The following DOK6 variants were observed in gnomAD, a reference collection of about 807,000 sequenced individuals.
DOK6 encodes docking protein 6.
A neutral mutation model predicts 44.0 loss-of-function variants in DOK6; 22 were observed. The observed-to-expected ratio is 0.50, with a 90% CI of 0.36 to 0.71. DOK6 has a LOEUF of 0.71. DOK6 is among the 30% of genes least tolerant of loss of function. The pLI is 0.00. For missense variants in DOK6, 340 were observed against 416.4 expected, an observed-to-expected ratio of 0.82 and a Z score of 1.60; for synonymous variants, 166 against 145.5, an observed-to-expected ratio of 1.14 and a Z score of -1.01.
At chr18:69,780,764 G>C (rs1175247079) in intron 7 of DOK6, among the ~76,000 whole-genome samples, 1 of 152,116 alleles carries the variant, frequency 6.6e-6, no homozygotes, top group Non-Finnish European at 1.5e-5. Context: ...TGAAACCTTG[G>C]TATTGGCAAG....
chr18:69,763,867 C>T (rs1165843936), intron 7 of DOK6, among the ~76,000 whole-genome samples: 1 of 152,140 alleles, frequency 6.6e-6, no homozygotes, highest in East Asian at 1.9e-4. Flanking sequence ...TCAGTAAAGC[C>T]TATTGAATTC....
intron 2 of DOK6, among the ~76,000 whole-genome samples, chr18:69,581,458 T>TC (rs1983367479): frequency 6.6e-6 from 1 of 152,218 alleles, no homozygotes; most frequent in African/African-American, 2.4e-5. Context: ...TGCATTGTGA[T>TC]CTAACTCTAG....
intron 1 of DOK6, among the ~76,000 whole-genome samples, chr18:69,497,388 A>AC (rs1046325915): frequency 5.3e-5 from 8 of 151,806 alleles, no homozygotes; most frequent in African/African-American, 1.7e-4. Flanking sequence ...CTCTGGAAAC[A>AC]CCCCCCTCTC....
intron 7 of DOK6, among the ~76,000 whole-genome samples, chr18:69,837,463 T>C (rs1360914643): frequency 6.6e-6 from 1 of 151,842 alleles, no homozygotes; most frequent in Non-Finnish European, 1.5e-5. Context: ...CCAACACTGT[T>C]GCATTGAAAA....
At chr18:69,816,292 C>A (rs1388314705) in intron 7 of DOK6, among the ~76,000 whole-genome samples, 1 of 152,160 alleles carries the variant, frequency 6.6e-6, no homozygotes, top group Non-Finnish European at 1.5e-5. Flanking sequence ...ACGACAGCAG[C>A]TGCTCCTATA....
intron 1 of DOK6, among the ~76,000 whole-genome samples, chr18:69,437,562 G>A (rs973424258): frequency 6.6e-6 from 1 of 152,172 alleles, no homozygotes; most frequent in Non-Finnish European, 1.5e-5. Context: ...AGGCTGTTTT[G>A]GTTACTGTAG....
At chr18:69,536,976 TATC>T (rs1022484710) in intron 1 of DOK6, among the ~76,000 whole-genome samples, 19 of 106,782 alleles carry the variant, frequency 1.8e-4, no homozygotes, top group South Asian at 9.3e-4. Flanking sequence ...ACAGAAGATT[TATC>T]ATTATTATTA....
In DOK6 at chr18:69,777,077, G is replaced by C. The variant is rs149934277; in HGVS notation, c.856+19204G>C. Among the ~76,000 whole-genome samples the C allele has an allele frequency of 9.9e-3, 1,495 of 151,004 alleles. 16 individuals are homozygous for C. The highest frequency in any genetic ancestry group is 0.034 in the African/African-American group (1,405 of 40,980). On this transcript the variant is annotated intron_variant, in intron 7 of 7. Coordinates refer to ENST00000382713, the MANE Select transcript of DOK6 (RefSeq NM_152721.6). ...TTAATGGGTGCAGCACACCAGCATG[G>C]CACATGTATACGTATATAACTAACC... is the stretch of plus-strand genomic sequence containing the variant.
At chr18:69,558,704 C>G (rs907535436) in intron 1 of DOK6, among the ~76,000 whole-genome samples, 1 of 151,936 alleles carries the variant, frequency 6.6e-6, no homozygotes. Flanking sequence ...GTTTAGGTCA[C>G]GAAAAACAAA....
At chr18:69,502,758 T>C (rs2165717) in intron 1 of DOK6, among the ~76,000 whole-genome samples, 68,464 of 151,832 alleles carry the variant, frequency 0.45, 15,835 homozygotes, top group African/African-American at 0.49. Context: ...TGTATATCAG[T>C]CAAACAGCAC....
intron 3 of DOK6, among the ~76,000 whole-genome samples, chr18:69,632,351 C>T (rs946021635): frequency 6.6e-6 from 1 of 152,046 alleles, no homozygotes; most frequent in Non-Finnish European, 1.5e-5. Flanking sequence ...TGTAGCTCTC[C>T]CATTTTGTTC....
chr18:69,618,384 C>T (rs907423009), intron 3 of DOK6, among the ~76,000 whole-genome samples: 2 of 152,076 alleles, frequency 1.3e-5, no homozygotes, highest in East Asian at 1.9e-4. Context: ...TGATGAAATT[C>T]CTCTGTGTTT....
intron 3 of DOK6, among the ~76,000 whole-genome samples, chr18:69,630,448 T>G (rs1269796212): frequency 6.6e-6 from 1 of 152,204 alleles, no homozygotes; most frequent in Non-Finnish European, 1.5e-5. Flanking sequence ...ACTTTAAAAT[T>G]TTTTGCATGA....
intron 7 of DOK6, among the ~76,000 whole-genome samples, chr18:69,766,962 C>G (rs1979735840): frequency 1.3e-5 from 2 of 152,162 alleles, no homozygotes; most frequent in Admixed American, 1.3e-4. Context: ...TGTGGTGGCT[C>G]ACTCCTGTAA....
chr18:69,478,241 T>C (rs1980322018), intron 1 of DOK6, among the ~76,000 whole-genome samples: 1 of 152,176 alleles, frequency 6.6e-6, no homozygotes, highest in African/African-American at 2.4e-5. Flanking sequence ...AGTTTAAAAA[T>C]CAGATTAGCA....
intron 1 of DOK6, among the ~76,000 whole-genome samples, chr18:69,507,615 G>T (rs1172511241): frequency 6.6e-6 from 1 of 152,048 alleles, no homozygotes; most frequent in East Asian, 1.9e-4. Context: ...TATTTGGTAA[G>T]ATTTAATGCC....
At chr18:69,508,613 G>A (rs536252371) in intron 1 of DOK6, among the ~76,000 whole-genome samples, 6 of 152,250 alleles carry the variant, frequency 3.9e-5, no homozygotes, top group South Asian at 2.1e-4. Flanking sequence ...GATTGATAGC[G>A]TTTGGGTTAC....
intron 3 of DOK6, among the ~76,000 whole-genome samples, chr18:69,615,136 T>C (rs1984255510): frequency 6.6e-6 from 1 of 152,172 alleles, no homozygotes; most frequent in South Asian, 2.1e-4. Flanking sequence ...GCAAATATAG[T>C]ATATATAACC....
At chr18:69,789,270 C>T (rs9963720) in intron 7 of DOK6, among the ~76,000 whole-genome samples, 37,879 of 151,936 alleles carry the variant, frequency 0.25, 5,007 homozygotes, top group East Asian at 0.33. Flanking sequence ...ATGGTATATA[C>T]GCATATAAAA....
Sources: gnomAD v4.1 joint callset for allele counts (sites outside exome capture counted in the v4.1 genomes callset) on GRCh38, gnomAD v4.1.1 for gene constraint, MANE v1.5 for transcripts, NCBI Gene and HGNC (gene_info 2026-07-23, HGNC 2026-07-21) for gene names.